The following FAM120B variants were observed in gnomAD, a reference collection of about 807,000 sequenced individuals.
FAM120B encodes the protein constitutive coactivator of peroxisome proliferator-activated receptor gamma.
In FAM120B, 83 loss-of-function variants were observed where a neutral mutation model predicts 96.3. That is an observed-to-expected ratio of 0.86 (90% CI 0.72 to 1.03). FAM120B has a LOEUF of 1.03. Ranked by LOEUF, FAM120B falls within the 50% of genes least tolerant of loss-of-function variation. The probability of loss-of-function intolerance (pLI) is 0.00; values close to 1 mark genes in which losing one functional copy is unlikely to be tolerated. For missense variants in FAM120B, 1,027 were observed against 1,121.2 expected, an observed-to-expected ratio of 0.92 and a Z score of 1.20; for synonymous variants, 407 against 402.7, an observed-to-expected ratio of 1.01 and a Z score of -0.13.
chr6:170,326,066 A>T (rs1452422415), intron 3 of FAM120B, among the ~76,000 whole-genome samples: 2 of 152,068 alleles, frequency 1.3e-5, no homozygotes, highest in African/African-American at 2.4e-5. Context: ...ATATATATAT[A>T]TTTTAAATTT....
At chr6:170,391,960 A>G (rs1379994431) in intron 8 of FAM120B, among the ~76,000 whole-genome samples, 1 of 152,148 alleles carries the variant, frequency 6.6e-6, no homozygotes, top group African/African-American at 2.4e-5. Context: ...CGGCCACAGA[A>G]TCTTCCACTA....
chr6:170,364,725 G>A (rs1039363112), intron 6 of FAM120B, among the ~76,000 whole-genome samples: 2 of 152,160 alleles, frequency 1.3e-5, no homozygotes, highest in Non-Finnish European at 2.9e-5. Flanking sequence ...GGACAGGGAT[G>A]CCTGGGGGCC....
At chr6:170,312,731 TG>T (rs35146977) in intron 1 of FAM120B, among the ~76,000 whole-genome samples, 62,218 of 151,944 alleles carry the variant, frequency 0.41, 13,277 homozygotes, top group Middle Eastern at 0.47. Flanking sequence ...TTCTAACATT[TG>T]TTCAAACAGT....
chr6:170,330,904 C>T (rs535782704), intron 4 of FAM120B: 3 of 225,340 alleles, frequency 1.3e-5, no homozygotes, highest in Admixed American at 5.5e-5. Context: ...GCTTGGTAGA[C>T]GTCCAGAGTT....
intron 5 of FAM120B, among the ~76,000 whole-genome samples, chr6:170,348,545 A>G (rs1388732854): frequency 6.6e-6 from 1 of 152,250 alleles, no homozygotes; most frequent in Admixed American, 6.5e-5. Flanking sequence ...AGATTGTATT[A>G]GAGACTTAGG....
At chr6:170,320,671 G>A (rs191763510) in intron 2 of FAM120B, among the ~76,000 whole-genome samples, 8 of 152,300 alleles carry the variant, frequency 5.3e-5, no homozygotes, top group East Asian at 1.9e-4. Context: ...ACATGTTCTC[G>A]TAGTGAAATA....
intron 3 of FAM120B, among the ~76,000 whole-genome samples, chr6:170,327,257 A>G (rs561923429): frequency 9.7e-4 from 147 of 152,156 alleles, no homozygotes; most frequent in Non-Finnish European, 1.7e-3. Flanking sequence ...TGTGTTAGCC[A>G]GGATGATCTC....
chr6:170,310,157 G>A (rs2114997010), intron 1 of FAM120B, among the ~76,000 whole-genome samples: 1 of 152,344 alleles, frequency 6.6e-6, no homozygotes, highest in East Asian at 1.9e-4. Flanking sequence ...GTAGTCCGTA[G>A]ATGATAATAA....
chr6:170,376,137 A>G (rs1037273504), intron 6 of FAM120B, among the ~76,000 whole-genome samples: 1 of 152,152 alleles, frequency 6.6e-6, no homozygotes, highest in African/African-American at 2.4e-5. Flanking sequence ...TTATTACAGC[A>G]TGAGATACAA....
intron 4 of FAM120B, among the ~76,000 whole-genome samples, chr6:170,345,175 C>T (rs16901337): frequency 0.063 from 9,636 of 152,230 alleles, 1,173 homozygotes; most frequent in East Asian, 0.57. Context: ...TTGTTGCCTC[C>T]TTTCAATCCC....
chr6:170,324,550 T>C (rs1785479247), intron 3 of FAM120B, among the ~76,000 whole-genome samples: 2 of 152,222 alleles, frequency 1.3e-5, no homozygotes, highest in African/African-American at 4.8e-5. Flanking sequence ...CATGAAAACA[T>C]TTTTACATTA....
chr6:170,302,293 G>A (rs904171460), upstream of FAM120B, among the ~76,000 whole-genome samples: 5 of 152,156 alleles, frequency 3.3e-5, no homozygotes, highest in African/African-American at 1.2e-4. Context: ...GGTCTCATGA[G>A]AACTCAATCA....
At chr6:170,373,663 A>T (rs1789340335) in intron 6 of FAM120B, among the ~76,000 whole-genome samples, 2 of 152,236 alleles carry the variant, frequency 1.3e-5, no homozygotes, top group African/African-American at 4.8e-5. Flanking sequence ...CCTAACAGAA[A>T]TTTGCCGAGA....
At chr6:170,310,280 C>T (rs548937377) in intron 1 of FAM120B, among the ~76,000 whole-genome samples, 10 of 152,312 alleles carry the variant, frequency 6.6e-5, no homozygotes, top group Non-Finnish European at 1.5e-4. Flanking sequence ...TTCTGGGTTG[C>T]TGGGAAAAGC....
chr6:170,381,474 G>C (rs574792713), intron 6 of FAM120B, among the ~76,000 whole-genome samples: 1 of 151,994 alleles, frequency 6.6e-6, no homozygotes, highest in Non-Finnish European at 1.5e-5. Flanking sequence ...ATTAATGCTA[G>C]TTCTACATTC....
chr6:170,304,990 G>A (rs753643075), upstream of FAM120B, among the ~76,000 whole-genome samples: 3 of 152,056 alleles, frequency 2.0e-5, no homozygotes, highest in Admixed American at 6.6e-5. Context: ...CTCTCTTCTG[G>A]GTTGCAGGCC....
intron 6 of FAM120B, among the ~76,000 whole-genome samples, chr6:170,376,074 AAG>A (rs1255732479): frequency 6.6e-6 from 1 of 152,142 alleles, no homozygotes; most frequent in African/African-American, 2.4e-5. Flanking sequence ...GGTGGAGATG[AAG>A]AGAGAGATGG....
intron 6 of FAM120B, among the ~76,000 whole-genome samples, chr6:170,362,043 C>T (rs1788494368): frequency 6.6e-6 from 1 of 152,208 alleles, no homozygotes; most frequent in Non-Finnish European, 1.5e-5. Flanking sequence ...ATCTACTCAC[C>T]TCAGCCTCTG....
In FAM120B at chr6:170,404,833, G is replaced by C. The variant is rs1414635623; in HGVS notation, c.*82G>C. 3.9e-6 allele frequency: 2 copies of C among 518,560 alleles called. No homozygotes were observed. Among genetic ancestry groups the C allele is most frequent in the African/African-American group, 3.9e-5 (2 of 51,318 alleles). The allele number at this position is 518,560 out of a possible 1,614,324, so 32.1% of individuals were successfully genotyped here. A position where few individuals can be genotyped will look rare whatever the true frequency, so the allele number is the denominator to read the frequency against. On this transcript the variant is annotated 3_prime_UTR_variant, in exon 11 of 11. Transcript: ENST00000476287. Reference sequence around the variant, plus strand: ...GCCAGCGCCCTCCTCTGCTGTTGCAGCTGCAAGGAGACCATGCCTGTGGGA... The same window carrying C: ...GCCAGCGCCCTCCTCTGCTGTTGCACCTGCAAGGAGACCATGCCTGTGGGA...
Sources: allele counts gnomAD v4.1 joint callset (sites outside exome capture counted in the v4.1 genomes callset), GRCh38; gene constraint gnomAD v4.1.1; transcripts MANE v1.5; gene names NCBI Gene and HGNC (gene_info 2026-07-23, HGNC 2026-07-21).